Variants in MUC12 observed in about 807,000 individuals in gnomAD.
MUC12 encodes the protein mucin 12, cell surface associated.
A neutral mutation model predicts 230.8 loss-of-function variants in MUC12; 172 were observed. That is an observed-to-expected ratio of 0.75 (90% CI 0.66 to 0.85). The LOEUF (loss-of-function observed/expected upper bound fraction) is 0.85, where lower values mean the gene tolerates loss of function less well. Among genes scored for constraint, MUC12 ranks in the 40% least tolerant of loss-of-function variants. The probability of loss-of-function intolerance (pLI) is 0.00; values close to 1 mark genes in which losing one functional copy is unlikely to be tolerated. For synonymous variants in MUC12, 1,259 were observed against 2,401.9 expected (o/e 0.52, Z 13.91); for missense variants, 3,506 against 5,920.6 (o/e 0.59, Z 13.38).
Position 101,004,918 on chromosome 7 carries a change from C to T in MUC12, c.14355C>T (p.Thr4785=). The change falls in exon 2 of 12, where the codon ACC becomes ACT. Residue 4785 remains threonine, a synonymous_variant. Coordinates refer to ENST00000536621, the MANE Select transcript of MUC12 (RefSeq NM_001164462.2). ...ACACAACAGCGTTCCCTGCCAGCAC[C>T]ACCACCTCAGGCCTCAGTCAGGAAT... ...STHTTAFPAS[T]TTSGLSQEST... is the part of the protein sequence containing the mutation. 6.5e-7 allele frequency: 1 copy of T among 1,537,892 alleles called. No individual in the cohort carries two copies. Among genetic ancestry groups the T allele is most frequent in the South Asian group, 1.2e-5 (1 of 84,066 alleles).
At position 100,991,587 on chromosome 7, in the gene MUC12, A is replaced by T; in HGVS notation, c.1024A>T (p.Thr342Ser). ...PVHSSPVATATTPPPARSATS... is the reference protein window; with the variant it reads ...PVHSSPVATASTPPPARSATS... Reference sequence around the variant, plus strand: ...CCACAGCAGCCCAGTTGCAACTGCAACAACACCCCCACCTGCCCGCTCCGC... The same window carrying T: ...CCACAGCAGCCCAGTTGCAACTGCATCAACACCCCCACCTGCCCGCTCCGC... The change falls in exon 2 of 12, where the codon ACA (threonine) becomes TCA (serine). Residue 342 changes from threonine to serine, a missense_variant. By Grantham distance (58) the Thr-to-Ser change is moderately conservative. Transcript: ENST00000536621. The T allele has an allele frequency of 6.5e-7, 1 of 1,537,014 alleles. No individual in the cohort carries two copies. The highest frequency in any genetic ancestry group is 8.7e-7 in the Non-Finnish European group (1 of 1,146,414).
In MUC12 at chr7:100,995,779, AG is replaced by A. The variant is rs1793469907; in HGVS notation, c.5218del (p.Glu1740AsnfsTer124). 1 of 1,526,168 alleles carries A rather than the reference AG, an allele frequency of 6.6e-7. No individual in the cohort carries two copies. Among genetic ancestry groups the A allele is most frequent in the Admixed American group, 2.0e-5 (1 of 50,258 alleles). 94.5% of individuals were successfully genotyped at this position (1,526,168 alleles called of 1,614,324 possible). A position where few individuals can be genotyped will look rare whatever the true frequency, so the allele number is the denominator to read the frequency against. On this transcript the variant is annotated frameshift_variant, in exon 2 of 12. Transcript: ENST00000536621. LOFTEE classifies it high-confidence loss of function. ...AGCTCCACAACCTTGGGCCGTAGTG[AG>A]GAATCGACAACAGTCCACAGCAGCC... is the stretch of plus-strand genomic sequence containing the variant. ...SASSTTLGRS[E>X]ESTTVHSSPV...
chr7:101,012,562 AC>A, intron 6 of MUC12, 115 bp downstream of exon 6: 1 of 1,263,872 alleles, frequency 7.9e-7, no homozygotes, highest in Non-Finnish European at 1.1e-6. Context: ...TGCCACAGGA[AC>A]CCAGAAGCCA....
intron 3 of MUC12, among the ~76,000 whole-genome samples, chr7:101,006,970 A>G (rs958680478): frequency 8.6e-5 from 13 of 151,886 alleles, no homozygotes; most frequent in African/African-American, 2.9e-4. Context: ...ATTTTATTTT[A>G]TTTTTTGAGA....
intron 1 of MUC12, among the ~76,000 whole-genome samples, chr7:100,989,128 T>A (rs1226509130): frequency 1.4e-5 from 2 of 142,376 alleles, no homozygotes; most frequent in Non-Finnish European, 3.0e-5. Context: ...TGAGACAGAG[T>A]CTCACTCTGT....
At chr7:101,015,125 A>C (rs767398950) in intron 9 of MUC12, 6 of 164,816 alleles carry the variant, frequency 3.6e-5, no homozygotes, top group Non-Finnish European at 8.0e-5. Flanking sequence ...CATAACACAG[A>C]GAATGGAAAC....
Position 100,995,926 on chromosome 7 carries a change from C to T in MUC12, c.5363C>T (p.Ser1788Phe). The change falls in exon 2 of 12, where the codon TCC (serine) becomes TTC (phenylalanine). Residue 1788 changes from serine to phenylalanine, a missense_variant. Ser to Phe is a radical substitution (Grantham distance 155, BLOSUM62 -2). Coordinates refer to ENST00000536621, the MANE Select transcript of MUC12 (RefSeq NM_001164462.2). ...STQTMHFPES[S>F]TASGRSEESR... ...CAAACAATGCACTTCCCTGAAAGCT[C>T]CACAGCTTCAGGTCGTAGTGAAGAA... The T allele has an allele frequency of 8.0e-7, 1 of 1,250,130 alleles. No individual in the cohort carries two copies. Among genetic ancestry groups the T allele is most frequent in the South Asian group, 1.4e-5 (1 of 72,306 alleles). The allele number at this position is 1,250,130 out of a possible 1,614,324, so 77.4% of individuals were successfully genotyped here. A position where few individuals can be genotyped will look rare whatever the true frequency, so the allele number is the denominator to read the frequency against.
Position 100,991,786 on chromosome 7 carries a change from C to G in MUC12, c.1223C>G (p.Ala408Gly). ...SSTPSTTAAL[A>G]HTSYHSSLGS... ...ACTCCTAGCACCACAGCTGCCCTAG[C>G]ACATACAAGCTACCACAGCAGCCTG... Residue 408 changes from alanine to glycine, a missense_variant, in exon 2 of 12, where the codon GCA (alanine) becomes GGA (glycine). Transcript: ENST00000536621. The G allele has an allele frequency of 1.3e-6, 2 of 1,537,922 alleles. No homozygotes were observed. The highest frequency in any genetic ancestry group is 1.7e-6 in the Non-Finnish European group (2 of 1,147,072).
intron 5 of MUC12, among the ~76,000 whole-genome samples, chr7:101,010,948 C>A (rs1267704355): frequency 6.6e-6 from 1 of 152,068 alleles, no homozygotes; most frequent in Non-Finnish European, 1.5e-5. Context: ...CCACACCCAG[C>A]CTCTAAAGGG....
At chr7:100,980,442 C>A (rs968388220) in intron 1 of MUC12, among the ~76,000 whole-genome samples, 2 of 152,126 alleles carry the variant, frequency 1.3e-5, no homozygotes, top group African/African-American at 2.4e-5. Flanking sequence ...ATTTTAATGG[C>A]TGATTACTAT....
At chr7:101,008,572 C>T in intron 3 of MUC12, 62 bp from the exon 4 acceptor site, 1 of 1,491,226 alleles carries the variant, frequency 6.7e-7, no homozygotes, top group Non-Finnish European at 8.9e-7. Flanking sequence ...GAGAATGTAT[C>T]AATCCTGGGG....
rs1793353736 is a variant in MUC12 at position 100,992,634 on chromosome 7, A to G, written c.2071A>G (p.Ser691Gly). Reference sequence around the variant, plus strand: ...CGTTGAAGAATCTACGACCTACCACAGCAGCCCGGGCTCAACTCAAACAAT... The same window carrying G: ...CGTTGAAGAATCTACGACCTACCACGGCAGCCCGGGCTCAACTCAAACAAT... ...GLVEESTTYH[S>G]SPGSTQTMHF... The change falls in exon 2 of 12, where the codon AGC (serine) becomes GGC (glycine). Residue 691 changes from serine (S) to glycine (G), a missense_variant. Coordinates refer to ENST00000536621, the MANE Select transcript of MUC12 (RefSeq NM_001164462.2). The G allele has an allele frequency of 9.8e-6, 15 of 1,537,454 alleles. No homozygotes were observed. Among genetic ancestry groups the G allele is most frequent in the Non-Finnish European group, 1.2e-5 (14 of 1,146,996 alleles).
intron 1 of MUC12, among the ~76,000 whole-genome samples, chr7:100,982,982 A>G (rs544742170): frequency 7.0e-6 from 1 of 142,676 alleles, no homozygotes; most frequent in African/African-American, 2.6e-5. Flanking sequence ...TAATCTTCCC[A>G]CCTTGGCCTC....
chr7:100,991,115 C>A lies in MUC12; in HGVS notation c.552C>A (p.Thr184=), dbSNP rs1793284579. 3 of 1,537,848 alleles carry A rather than the reference C, an allele frequency of 2.0e-6. No individual in the cohort carries two copies. Among genetic ancestry groups the A allele is most frequent in the South Asian group, 1.2e-5 (1 of 84,056 alleles). The stretch of plus-strand genomic sequence containing the variant: ...ACACAATAGCGTTCCCTGACAGTAC[C>A]ACCATGCCAGGCGTCAGTCAGGAAT... The part of the protein sequence containing the change: ...PTHTIAFPDS[T]TMPGVSQEST... Residue 184 remains threonine, a synonymous_variant, in exon 2 of 12, where the codon ACC becomes ACA. Transcript: ENST00000536621.
At chr7:101,009,043 A>T (rs1455243880) in intron 4 of MUC12, 52 bp from the exon 5 acceptor site, 23 of 1,522,866 alleles carry the variant, frequency 1.5e-5, no homozygotes, top group Middle Eastern at 1.9e-4. Flanking sequence ...GGGTAACAGG[A>T]GAGTCTTCAT....
At chr7:101,006,379 T>C in intron 2 of MUC12, 92 bp from the exon 3 acceptor site, 1 of 822,460 alleles carries the variant, frequency 1.2e-6, no homozygotes, top group African/African-American at 1.7e-5. Flanking sequence ...TGCTCTCCAG[T>C]GCGATGCTGA....
Position 100,995,711 on chromosome 7 carries a change from C to G in MUC12, c.5148C>G (p.Ser1716=), listed in dbSNP as rs1476081391. 2.6e-6 allele frequency: 4 copies of G among 1,536,774 alleles called. No individual in the cohort carries two copies. The African/African-American group carries it at 5.5e-5, about 21-fold the overall frequency. ...TSAFVELSTT[S]HGSPSSTPTT... The stretch of plus-strand genomic sequence containing the variant: ...CCTTTGTTGAGCTATCTACAACCTC[C>G]CACGGCAGCCCGAGCTCAACTCCAA... Residue 1716 remains serine (S), a synonymous_variant, in exon 2 of 12, where the codon TCC becomes TCG. Transcript: ENST00000536621.
In MUC12 at chr7:101,004,870, G is replaced by T; in HGVS notation, c.14307G>T (p.Leu4769Phe). The T allele has an allele frequency of 1.3e-6, 2 of 1,536,860 alleles. No individual in the cohort carries two copies. The highest frequency in any genetic ancestry group is 1.7e-6 in the Non-Finnish European group (2 of 1,146,476). Residue 4769 changes from leucine to phenylalanine, a missense_variant, in exon 2 of 12, where the codon TTG becomes TTT. Coordinates refer to ENST00000536621, the MANE Select transcript of MUC12 (RefSeq NM_001164462.2). ...SSSISGEPTS[L>F]YSQAESTHTT... ...GCATCAGTGGAGAACCCACCAGCTT[G>T]TATAGCCAAGCAGAGTCAACACACA... is the stretch of plus-strand genomic sequence containing the variant.
intron 1 of MUC12, among the ~76,000 whole-genome samples, chr7:100,975,842 G>A (rs1398777375): frequency 4.6e-5 from 7 of 152,412 alleles, no homozygotes; most frequent in African/African-American, 1.4e-4. Context: ...TGGGATATTG[G>A]TAATCAGATT....
Sources: gnomAD v4.1 joint callset for allele counts (sites outside exome capture counted in the v4.1 genomes callset) on GRCh38, gnomAD v4.1.1 for gene constraint, MANE v1.5 for transcripts, NCBI Gene and HGNC (gene_info 2026-07-23, HGNC 2026-07-21) for gene names.